SVEP1: variants seen among roughly 807,000 people sequenced by gnomAD.
SVEP1 encodes sushi, von Willebrand factor type A, EGF and pentraxin domain containing 1, also known as sushi, von Willebrand factor type A, EGF and pentraxin domain-containing protein 1.
In SVEP1, 164 loss-of-function variants were observed where a neutral mutation model predicts 367.3. The observed-to-expected ratio is 0.45, with a 90% confidence interval of 0.39 to 0.51. The LOEUF is 0.51. Ranked by LOEUF, SVEP1 falls within the 20% of genes least tolerant of loss-of-function variation. The probability of loss-of-function intolerance (pLI) is 0.00; values close to 1 mark genes in which losing one functional copy is unlikely to be tolerated. For synonymous variants in SVEP1, 1,666 were observed against 1,611.6 expected (o/e 1.03, Z -0.81); for missense variants, 4,117 against 4,425.3 (o/e 0.93, Z 1.98).
At chr9:110,548,416 G>GAAA (rs1830245426) in intron 2 of SVEP1, among the ~76,000 whole-genome samples, 1 of 152,042 alleles carries the variant, frequency 6.6e-6, no homozygotes, top group Non-Finnish European at 1.5e-5. Context: ...CAAGCCATCA[G>GAAA]GAACTTTCTC....
In SVEP1 at chr9:110,393,469, G is replaced by A. The variant is rs945777933; in HGVS notation, c.9823-3882C>T. On this transcript the variant is annotated intron_variant, in intron 40 of 47. Transcript: ENST00000374469. ...GCGACGCAGAAGACGGGTGATTTCT[G>A]CATTTCCAACTGAGGTACCGGGTTC... Among the ~76,000 whole-genome samples, 4 of 152,208 alleles carry A rather than the reference G, an allele frequency of 2.6e-5. No individual in the cohort carries two copies. The East Asian group carries it at 7.7e-4, about 29-fold the overall frequency.
intron 3 of SVEP1, among the ~76,000 whole-genome samples, chr9:110,540,164 TATC>T (rs1371920087): frequency 6.6e-6 from 1 of 152,054 alleles, no homozygotes; most frequent in Admixed American, 6.6e-5. Flanking sequence ...TCATTATCAT[TATC>T]ATCATCATCA....
chr9:110,368,344 T>C (rs1025565924), intron 47 of SVEP1, among the ~76,000 whole-genome samples: 1 of 152,188 alleles, frequency 6.6e-6, no homozygotes, highest in Non-Finnish European at 1.5e-5. Flanking sequence ...TTACAGTATA[T>C]ACAGGAGGAG....
chr9:110,538,632 T>C (rs748584008), intron 3 of SVEP1, among the ~76,000 whole-genome samples: 4 of 152,144 alleles, frequency 2.6e-5, no homozygotes, highest in Non-Finnish European at 5.9e-5. Flanking sequence ...GAAAATAATA[T>C]AGCTGGAGCT....
chr9:110,478,594 GT>G (rs1829136129), intron 13 of SVEP1, among the ~76,000 whole-genome samples: 1 of 152,150 alleles, frequency 6.6e-6, no homozygotes, highest in South Asian at 2.1e-4. Flanking sequence ...TGCCTTTCGA[GT>G]ATAGGTCTAT....
At position 110,375,410 on chromosome 9, in the gene SVEP1, A is replaced by G; in HGVS notation, c.10558T>C (p.Cys3520Arg). The change falls in exon 46 of 48, where the codon TGT becomes CGT. Residue 3520 changes from cysteine (C) to arginine (R), a missense_variant. Physicochemically the swap from Cys to Arg is radical, Grantham distance 180. Transcript: ENST00000374469. ...NGGRCVAPYQCDCPPGWTGSR... is the reference protein window; with the variant it reads ...NGGRCVAPYQRDCPPGWTGSR... ...CCCGTCCAGCCAGGCGGGCAGTCAC[A>G]CTGGTAAGGGGCCACACAGCGACCT... 2 of 1,521,790 alleles carry G rather than the reference A, an allele frequency of 1.3e-6. No homozygotes were observed. The highest frequency in any genetic ancestry group is 1.2e-5 in the South Asian group (1 of 83,422). The allele number at this position is 1,521,790 out of a possible 1,614,324, so 94.3% of individuals were successfully genotyped here.
chr9:110,479,351 C>G (rs116518423), intron 13 of SVEP1, among the ~76,000 whole-genome samples: 2 of 152,234 alleles, frequency 1.3e-5, no homozygotes, highest in Non-Finnish European at 1.5e-5. Flanking sequence ...CAATGTTTGG[C>G]ATTTTTGTCA....
At chr9:110,487,913 T>C (rs529856981) in intron 9 of SVEP1, among the ~76,000 whole-genome samples, 1 of 152,336 alleles carries the variant, frequency 6.6e-6, no homozygotes, top group South Asian at 2.1e-4. Context: ...TCAGAGTCCA[T>C]GCTCTTGTCC....
chr9:110,377,234 T>G, intron 45 of SVEP1, 37 bp downstream of exon 45: 4 of 1,594,790 alleles, frequency 2.5e-6, no homozygotes, highest in Non-Finnish European at 3.4e-6. Context: ...CCAGGCAATT[T>G]GTCAGGACTC....
At chr9:110,409,115 T>A (rs1366342599) in intron 37 of SVEP1, among the ~76,000 whole-genome samples, 164 bp from the exon 38 acceptor site, 1 of 152,218 alleles carries the variant, frequency 6.6e-6, no homozygotes, top group Non-Finnish European at 1.5e-5. Context: ...CCATTCTATT[T>A]TTTTAAATAA....
intron 3 of SVEP1, among the ~76,000 whole-genome samples, chr9:110,540,633 G>A (rs1187696493): frequency 1.3e-5 from 2 of 152,118 alleles, no homozygotes; most frequent in Non-Finnish European, 2.9e-5. Context: ...TGATTAACTT[G>A]AAACTAATTC....
At chr9:110,456,220 G>A (rs1243026777) in intron 21 of SVEP1, among the ~76,000 whole-genome samples, 1 of 152,132 alleles carries the variant, frequency 6.6e-6, no homozygotes, top group Non-Finnish European at 1.5e-5. Flanking sequence ...ACCTGGGAAT[G>A]CAATAAAAAT....
At chr9:110,517,133 T>C (rs2118784720) in intron 3 of SVEP1, among the ~76,000 whole-genome samples, 1 of 152,258 alleles carries the variant, frequency 6.6e-6, no homozygotes, top group East Asian at 1.9e-4. Flanking sequence ...GAGAAAGACA[T>C]TCGAGGATGT....
Position 110,408,364 on chromosome 9 carries a change from A to G in SVEP1, c.7236T>C (p.Phe2412=). The change falls in exon 38 of 48, where the codon TTT becomes TTC. Residue 2412 remains phenylalanine (F), a synonymous_variant. Coordinates refer to ENST00000374469, the MANE Select transcript of SVEP1 (RefSeq NM_153366.4). ...GGGTGGTAGAATTTCCTCTTAGGAA[A>G]AACCCACCTACACAAGAATACTTGA... The part of the protein sequence containing the change: ...STVKYSCVGG[F]FLRGNSTTLC... 6.2e-7 allele frequency: 1 copy of G among 1,613,968 alleles called. No individual in the cohort carries two copies. The highest frequency in any genetic ancestry group is 8.5e-7 in the Non-Finnish European group (1 of 1,179,892).
intron 13 of SVEP1, among the ~76,000 whole-genome samples, chr9:110,477,477 A>G (rs1330562488): frequency 1.3e-5 from 2 of 152,186 alleles, no homozygotes; most frequent in African/African-American, 4.8e-5. Context: ...CAATCTTACT[A>G]CATTTCTTTA....
At position 110,408,452 on chromosome 9, in the gene SVEP1, G is replaced by T. The variant is rs1827989765; in HGVS notation, c.7148C>A (p.Pro2383Gln). 3 of 1,613,970 alleles carry T rather than the reference G, an allele frequency of 1.9e-6. No homozygotes were observed. The highest frequency in any genetic ancestry group is 2.5e-6 in the Non-Finnish European group (3 of 1,179,876). The part of the protein sequence containing the change: ...FPVCKIVLCT[P>Q]PPLISFGVPI... The stretch of plus-strand genomic sequence containing the variant: ...GACACCAAAGGAAATTAGGGGAGGT[G>T]GGGTACAAAGAACAATCTTACAAAC... Residue 2383 changes from proline to glutamine, a missense_variant, in exon 38 of 48, where the codon CCA (proline) becomes CAA (glutamine). Pro to Gln is a moderately conservative substitution (Grantham distance 76, BLOSUM62 -1). This residue lies in a region of SVEP1 where 1,765 missense variants were observed against 1,781.1 expected (regional missense o/e 0.99). Coordinates refer to ENST00000374469, the MANE Select transcript of SVEP1 (RefSeq NM_153366.4).
chr9:110,404,865 A>T (rs1240144982), intron 38 of SVEP1, among the ~76,000 whole-genome samples: 1 of 152,152 alleles, frequency 6.6e-6, no homozygotes, highest in African/African-American at 2.4e-5. Flanking sequence ...TCTCTATAAA[A>T]AATAAACAAA....
chr9:110,462,321 C>T (rs1246950813), intron 18 of SVEP1, among the ~76,000 whole-genome samples: 10 of 151,882 alleles, frequency 6.6e-5, no homozygotes, highest in African/African-American at 9.7e-5. Flanking sequence ...AATGTCTATA[C>T]TTTTTAGCAT....
At chr9:110,508,499 C>A (rs1012179560) in intron 5 of SVEP1, among the ~76,000 whole-genome samples, 1 of 152,034 alleles carries the variant, frequency 6.6e-6, no homozygotes, top group African/African-American at 2.4e-5. Context: ...CGGTGGCTCA[C>A]GCCTGTAATC....
Sources: allele counts gnomAD v4.1 joint callset (sites outside exome capture counted in the v4.1 genomes callset), GRCh38; gene constraint gnomAD v4.1.1; regional missense constraint gnomAD v4.1.1; transcripts MANE v1.5; gene names NCBI Gene and HGNC (gene_info 2026-07-23, HGNC 2026-07-21).